SLC30A5: variants seen among roughly 807,000 people sequenced by gnomAD.
SLC30A5 encodes solute carrier family 30 member 5, also known as proton-coupled zinc antiporter SLC30A5.
Under a neutral mutation model 79.6 loss-of-function variants are expected in SLC30A5, and 33 were observed. The observed-to-expected ratio is 0.41, with a 90% CI of 0.31 to 0.55. The LOEUF (loss-of-function observed/expected upper bound fraction) is 0.55, where lower values mean the gene tolerates loss of function less well. Ranked by LOEUF, SLC30A5 falls within the 20% of genes least tolerant of loss-of-function variation. The pLI is 0.20. For missense variants in SLC30A5, 788 were observed against 928.1 expected, an observed-to-expected ratio of 0.85 and a Z score of 1.96; for synonymous variants, 299 against 319.7, an observed-to-expected ratio of 0.94 and a Z score of 0.69.
At position 69,106,832 on chromosome 5, in the gene SLC30A5, A is replaced by T. The variant is rs576920273; in HGVS notation, c.360-1517A>T. Among the ~76,000 whole-genome samples the T allele has an allele frequency of 3.5e-3, 529 of 151,770 alleles. 3 individuals are homozygous for T. Among genetic ancestry groups the T allele is most frequent in the Admixed American group, 6.0e-3 (91 of 15,228 alleles). On this transcript the variant is annotated intron_variant, in intron 4 of 15. Transcript: ENST00000396591. ...AAAAATATTTTTTCTTTATATCCTT[A>T]TTCTGTAAGCTTTTTTTCTGTTTTT...
At chr5:69,117,580 A>T (rs1746405291) in intron 11 of SLC30A5, among the ~76,000 whole-genome samples, 184 bp downstream of exon 11, 1 of 152,230 alleles carries the variant, frequency 6.6e-6, no homozygotes, top group Admixed American at 6.5e-5. Context: ...TTAAGCTCAA[A>T]GATTATGCTC....
At chr5:69,104,236 C>T (rs1746017507) in intron 3 of SLC30A5, 1 of 643,608 alleles carries the variant, frequency 1.6e-6, no homozygotes, top group Non-Finnish European at 2.3e-6. Flanking sequence ...CTCCCGGGTT[C>T]AAGCGATTCT....
In SLC30A5 at chr5:69,107,105, C is replaced by T. The variant is rs190807981; in HGVS notation, c.360-1244C>T. ...TCTCAAACTCCTGGGCTCAAGGATC[C>T]ACCCTTCTCACCCTCCCAAAGTGCT... On this transcript the variant is annotated intron_variant, in intron 4 of 15. Transcript: ENST00000396591. 2.6e-3 allele frequency among the ~76,000 whole-genome samples: 403 copies of T among 152,292 alleles called. 5 individuals are homozygous for T. Among genetic ancestry groups the T allele is most frequent in the African/African-American group, 9.0e-3 (375 of 41,564 alleles).
At chr5:69,107,730 T>G (rs1474751373) in intron 4 of SLC30A5, among the ~76,000 whole-genome samples, 1 of 151,566 alleles carries the variant, frequency 6.6e-6, no homozygotes, top group Non-Finnish European at 1.5e-5. Flanking sequence ...ATATGTTGCC[T>G]GTACTTTTTT....
chr5:69,109,711 A>G (rs944048054), intron 5 of SLC30A5, among the ~76,000 whole-genome samples: 1 of 152,012 alleles, frequency 6.6e-6, no homozygotes, highest in Non-Finnish European at 1.5e-5. Context: ...AAGTGATTCA[A>G]GTATTATCCT....
chr5:69,126,786 AAACAAC>A (rs759760823), intron 14 of SLC30A5, among the ~76,000 whole-genome samples: 2 of 150,576 alleles, frequency 1.3e-5, no homozygotes, highest in Non-Finnish European at 3.0e-5. Context: ...ACAAACAAAC[AAACAAC>A]AACAACAACA....
chr5:69,123,350 T>G lies in SLC30A5; in HGVS notation c.1923T>G (p.Ile641Met). ...TATTTCTCAGTGTTGTTCCACTGATTAAAGATGCCTGCCAGGTTCTACTCC... is the reference window on the plus strand; with the variant it reads ...TATTTCTCAGTGTTGTTCCACTGATGAAAGATGCCTGCCAGGTTCTACTCC... The part of the protein sequence containing the change: ...ILIFLSVVPL[I>M]KDACQVLLLR... Residue 641 changes from isoleucine to methionine, a missense_variant, in exon 14 of 16, where the codon ATT becomes ATG. By Grantham distance (10) the Ile-to-Met change is conservative. Coordinates refer to ENST00000396591, the MANE Select transcript of SLC30A5 (RefSeq NM_022902.5). The G allele has an allele frequency of 6.2e-7, 1 of 1,614,034 alleles. No individual in the cohort carries two copies. The highest frequency in any genetic ancestry group is 8.5e-7 in the Non-Finnish European group (1 of 1,179,930).
intron 12 of SLC30A5, among the ~76,000 whole-genome samples, chr5:69,121,011 G>A (rs1285746141): frequency 1.2e-4 from 19 of 152,114 alleles, no homozygotes. Context: ...AAAAATGAGA[G>A]GCCAGGCATA....
At chr5:69,113,042 T>G in intron 5 of SLC30A5, 98 bp from the exon 6 acceptor site, 1 of 937,044 alleles carries the variant, frequency 1.1e-6, no homozygotes, top group Non-Finnish European at 1.6e-6. Context: ...TGTAAATGCT[T>G]ACTTGAGAAA....
intron 14 of SLC30A5, among the ~76,000 whole-genome samples, chr5:69,127,410 C>A (rs935599001): frequency 6.7e-6 from 1 of 150,134 alleles, no homozygotes; most frequent in Non-Finnish European, 1.5e-5. Flanking sequence ...GGGTGGATTG[C>A]CTGAACTCAG....
intron 15 of SLC30A5, among the ~76,000 whole-genome samples, chr5:69,128,542 C>T (rs892225217): frequency 6.6e-6 from 1 of 152,066 alleles, no homozygotes; most frequent in Non-Finnish European, 1.5e-5. Flanking sequence ...GGTTTATAGG[C>T]AAGCCATCAT....
chr5:69,108,714 C>CT (rs1478564722), intron 5 of SLC30A5, among the ~76,000 whole-genome samples: 1 of 150,550 alleles, frequency 6.6e-6, no homozygotes, highest in Admixed American at 6.7e-5. Flanking sequence ...CCCGGCTACT[C>CT]TGGAGGCTGA....
In SLC30A5 at chr5:69,118,640, T is replaced by C; in HGVS notation, c.1569+12T>C. ...CTCACATGTTAACAGTAAGTCTTTT[T>C]ATTTTCCTATTTGGATTTCTAGTCA... On this transcript the variant is annotated intron_variant, in intron 12 of 15. Transcript: ENST00000396591. 1 of 1,559,072 alleles carries C rather than the reference T, an allele frequency of 6.4e-7. No individual in the cohort carries two copies. The highest frequency in any genetic ancestry group is 8.6e-7 in the Non-Finnish European group (1 of 1,159,358).
intron 4 of SLC30A5, 26 bp from the exon 5 acceptor site, chr5:69,108,323 T>C (rs1327123401): frequency 3.3e-6 from 5 of 1,537,132 alleles, no homozygotes; most frequent in Non-Finnish European, 4.5e-6. Context: ...TTACATTTCA[T>C]AAATGATAAT....
rs1561296163 is a variant in SLC30A5 at position 69,118,482 on chromosome 5, A to G, written c.1440-17A>G. The G allele has an allele frequency of 6.3e-7, 1 of 1,581,582 alleles. No homozygotes were observed. Among genetic ancestry groups the G allele is most frequent in the Non-Finnish European group, 8.6e-7 (1 of 1,167,898 alleles). ...ATTTGTCCTTTTCCTTTTCTGAAAA[A>G]TGTTCTATGTTTTTAGGTACGGCCG... On this transcript the variant is annotated splice_polypyrimidine_tract_variant and intron_variant, in intron 11 of 15. Coordinates refer to ENST00000396591, the MANE Select transcript of SLC30A5 (RefSeq NM_022902.5).
intron 4 of SLC30A5, 30 bp downstream of exon 4, chr5:69,104,746 G>T (rs1281844422): frequency 1.3e-6 from 2 of 1,588,170 alleles, no homozygotes; most frequent in Non-Finnish European, 1.7e-6. Context: ...TTGAATGTGT[G>T]TTTGTATTTC....
intron 5 of SLC30A5, among the ~76,000 whole-genome samples, chr5:69,111,018 G>A (rs1054032808): frequency 6.6e-6 from 1 of 150,806 alleles, no homozygotes; most frequent in African/African-American, 2.4e-5. Context: ...TTTTGAGATG[G>A]AGTCTCACTG....
At chr5:69,118,327 AT>A (rs1561296078) in intron 11 of SLC30A5, 171 bp from the exon 12 acceptor site, 1 of 249,700 alleles carries the variant, frequency 4.0e-6, no homozygotes, top group African/African-American at 2.4e-5. Context: ...ATATATATGT[AT>A]ATATATATGA....
chr5:69,100,536 C>G (rs1023927255), intron 1 of SLC30A5, among the ~76,000 whole-genome samples: 2 of 150,738 alleles, frequency 1.3e-5, no homozygotes, highest in Non-Finnish European at 2.9e-5. Flanking sequence ...TTTGGGAGAC[C>G]AAGGCTGGAG....
Sources: allele counts gnomAD v4.1 joint callset (sites outside exome capture counted in the v4.1 genomes callset), GRCh38; gene constraint gnomAD v4.1.1; transcripts MANE v1.5; gene names NCBI Gene and HGNC (gene_info 2026-07-23, HGNC 2026-07-21).